Variants in LRMDA observed in about 807,000 individuals in gnomAD.
LRMDA encodes the protein leucine rich melanocyte differentiation associated.
In LRMDA, 18 loss-of-function variants were observed where a neutral mutation model predicts 29.8. The observed-to-expected ratio is 0.60, with a 90% CI of 0.42 to 0.90. The LOEUF (loss-of-function observed/expected upper bound fraction) is 0.90, where lower values mean the gene tolerates loss of function less well. Among genes scored for constraint, LRMDA ranks in the 40% least tolerant of loss-of-function variants. LRMDA has a pLI of 0.00. For synonymous variants in LRMDA, 125 were observed against 109.4 expected, an observed-to-expected ratio of 1.14 and a Z score of -0.89; for missense variants, 273 against 273.9, an observed-to-expected ratio of 1.00 and a Z score of 0.02.
At chr10:76,391,772 T>A (rs1841725868) in intron 6 of LRMDA, among the ~76,000 whole-genome samples, 1 of 152,190 alleles carries the variant, frequency 6.6e-6, no homozygotes, top group Non-Finnish European at 1.5e-5. Flanking sequence ...GCTCTTGTCT[T>A]TCATGGAGCC....
intron 2 of LRMDA, among the ~76,000 whole-genome samples, chr10:75,886,664 C>T (rs1845396884): frequency 6.6e-6 from 1 of 152,122 alleles, no homozygotes; most frequent in Non-Finnish European, 1.5e-5. Context: ...TCTTGCATGG[C>T]TATTTAACTC....
chr10:75,717,215 TC>T (rs1349169158), intron 2 of LRMDA, among the ~76,000 whole-genome samples: 1 of 151,302 alleles, frequency 6.6e-6, no homozygotes, highest in African/African-American at 2.4e-5. Context: ...CCTTGGGGAG[TC>T]CCCCCCAGGG....
chr10:76,490,970 G>T (rs1842828381), intron 6 of LRMDA, among the ~76,000 whole-genome samples: 1 of 151,852 alleles, frequency 6.6e-6, no homozygotes, highest in South Asian at 2.1e-4. Flanking sequence ...CAAATAATAT[G>T]AGGCTTGCAA....
intron 6 of LRMDA, among the ~76,000 whole-genome samples, chr10:76,512,496 A>G (rs1414665259): frequency 6.6e-6 from 1 of 152,218 alleles, no homozygotes; most frequent in African/African-American, 2.4e-5. Context: ...CTTTTCGACA[A>G]ATGATGATGA....
chr10:75,474,488 A>G (rs1844764700), intron 2 of LRMDA, among the ~76,000 whole-genome samples: 2 of 152,190 alleles, frequency 1.3e-5, no homozygotes, highest in South Asian at 2.1e-4. Flanking sequence ...CTCTGCCCCT[A>G]TGACCTCATC....
chr10:76,016,507 C>A (rs909920282), intron 2 of LRMDA, among the ~76,000 whole-genome samples: 6 of 152,072 alleles, frequency 3.9e-5, no homozygotes, highest in African/African-American at 1.4e-4. Context: ...CTGCTTTAAC[C>A]GAGTTTTCTG....
intron 2 of LRMDA, among the ~76,000 whole-genome samples, chr10:75,509,104 T>G (rs895924704): frequency 1.3e-5 from 2 of 152,236 alleles, no homozygotes; most frequent in African/African-American, 4.8e-5. Flanking sequence ...ATCTCATTAA[T>G]CAGACTCGAC....
intron 2 of LRMDA, among the ~76,000 whole-genome samples, chr10:75,462,016 A>G (rs1175522594): frequency 6.6e-6 from 1 of 152,272 alleles, no homozygotes; most frequent in East Asian, 1.9e-4. Context: ...TTAATGACAA[A>G]TCAAGTACGC....
intron 2 of LRMDA, among the ~76,000 whole-genome samples, chr10:75,696,286 G>A (rs1387898410): frequency 2.6e-5 from 4 of 152,136 alleles, no homozygotes; most frequent in South Asian, 2.1e-4. Context: ...GATTGTTTTC[G>A]TCACATAGGG....
At chr10:76,486,403 TG>T (rs924779282) in intron 6 of LRMDA, among the ~76,000 whole-genome samples, 1 of 151,884 alleles carries the variant, frequency 6.6e-6, no homozygotes, top group Non-Finnish European at 1.5e-5. Flanking sequence ...TTCACTGCGG[TG>T]GTTTTTGTTT....
chr10:75,863,059 T>C (rs537656562), intron 2 of LRMDA, among the ~76,000 whole-genome samples: 4 of 152,220 alleles, frequency 2.6e-5, no homozygotes, highest in African/African-American at 9.6e-5. Flanking sequence ...TAAAGATAGC[T>C]CTGTCCTACC....
intron 2 of LRMDA, among the ~76,000 whole-genome samples, chr10:75,443,115 A>C (rs1292246986): frequency 6.6e-6 from 1 of 151,986 alleles, no homozygotes; most frequent in African/African-American, 2.4e-5. Context: ...TGTAGTCTTC[A>C]TGGTTTTCTA....
chr10:76,485,681 T>C (rs1842776356), intron 6 of LRMDA, among the ~76,000 whole-genome samples: 1 of 151,952 alleles, frequency 6.6e-6, no homozygotes, highest in Admixed American at 6.6e-5. Context: ...ACATTTCTCA[T>C]AGAATAAGTT....
intron 2 of LRMDA, among the ~76,000 whole-genome samples, chr10:75,456,749 C>A (rs1844522777): frequency 4.6e-5 from 7 of 152,214 alleles, no homozygotes; most frequent in Admixed American, 4.6e-4. Context: ...AATCTTGGCT[C>A]ACTGCAACCT....
At chr10:75,972,146 C>T (rs1231836736) in intron 2 of LRMDA, among the ~76,000 whole-genome samples, 1 of 152,176 alleles carries the variant, frequency 6.6e-6, no homozygotes, top group Non-Finnish European at 1.5e-5. Context: ...AGAATCATAG[C>T]AGCCCAGGGA....
intron 5 of LRMDA, among the ~76,000 whole-genome samples, chr10:76,106,871 G>A (rs527697072): frequency 3.9e-5 from 6 of 152,318 alleles, no homozygotes; most frequent in African/African-American, 1.4e-4. Flanking sequence ...AGTGGTGCTA[G>A]CAATAGCAGA....
chr10:75,900,842 T>C (rs559046931), intron 2 of LRMDA, among the ~76,000 whole-genome samples: 1 of 152,354 alleles, frequency 6.6e-6, no homozygotes, highest in African/African-American at 2.4e-5. Flanking sequence ...TATGCCCTTA[T>C]GGATCATAAA....
intron 5 of LRMDA, among the ~76,000 whole-genome samples, chr10:76,143,094 T>C (rs1054975471): frequency 6.6e-6 from 1 of 152,198 alleles, no homozygotes; most frequent in African/African-American, 2.4e-5. Flanking sequence ...TCTATCGTTA[T>C]TGGACATTTA....
chr10:75,640,445 A>G (rs1841438515), intron 2 of LRMDA, among the ~76,000 whole-genome samples: 1 of 152,258 alleles, frequency 6.6e-6, no homozygotes, highest in Non-Finnish European at 1.5e-5. Context: ...CAGGATGTTC[A>G]CAAAGTCTGA....
Sources: gnomAD v4.1 joint callset for allele counts (sites outside exome capture counted in the v4.1 genomes callset) on GRCh38, gnomAD v4.1.1 for gene constraint, MANE v1.5 for transcripts, NCBI Gene and HGNC (gene_info 2026-07-23, HGNC 2026-07-21) for gene names.